Variants in AP4S1 observed in about 807,000 individuals in gnomAD.
AP4S1 encodes adaptor related protein complex 4 subunit sigma 1, also known as AP-4 complex subunit sigma-1.
Under a neutral mutation model 19.8 loss-of-function variants are expected in AP4S1, and 23 were observed. The ratio of observed to expected loss-of-function variants is 1.16; its 90% CI spans 0.84 to 1.65. The LOEUF is 1.65. Among genes scored for constraint, AP4S1 ranks in the 40% most tolerant of loss-of-function variants. The probability of loss-of-function intolerance (pLI) is 0.00; values close to 1 mark genes in which losing one functional copy is unlikely to be tolerated. For synonymous variants in AP4S1, 46 were observed against 54.1 expected, an observed-to-expected ratio of 0.85 and a Z score of 0.66; for missense variants, 166 against 172.8, an observed-to-expected ratio of 0.96 and a Z score of 0.22.
At chr14:31,055,856 T>G (rs372042683) in intron 1 of AP4S1, among the ~76,000 whole-genome samples, 19 of 152,152 alleles carry the variant, frequency 1.2e-4, no homozygotes, top group African/African-American at 4.1e-4. Flanking sequence ...CTTTTTTTGT[T>G]TTTTTGAGAC....
chr14:31,032,138 T>G (rs1229539296), intron 1 of AP4S1, among the ~76,000 whole-genome samples: 1 of 151,506 alleles, frequency 6.6e-6, no homozygotes, highest in Non-Finnish European at 1.5e-5. Context: ...TCCCAGCACT[T>G]TGGGAGGCCA....
intron 1 of AP4S1, among the ~76,000 whole-genome samples, chr14:31,049,428 A>AAAAAAAAAAATATATATATAT (rs1384450221): frequency 3.5e-5 from 2 of 57,768 alleles, no homozygotes; most frequent in Non-Finnish European, 5.8e-5. Context: ...AAAAAAAAAA[A>AAAAAAAAAAATATATATATAT]ATATATATAT....
At chr14:31,075,961 C>A (rs886390756) in intron 4 of AP4S1, among the ~76,000 whole-genome samples, 2 of 152,136 alleles carry the variant, frequency 1.3e-5, no homozygotes, top group Non-Finnish European at 2.9e-5. Context: ...GTCTCAAACT[C>A]CTGACCTCAG....
chr14:31,077,683 T>A lies in AP4S1; in HGVS notation c.295-2890T>A, dbSNP rs17097700. ...TCTGGTACATGCTTAATTTTGGTAA[T>A]CATTGCCTTAGTGCATGAGGCTTGC... On this transcript the variant is annotated intron_variant, in intron 4 of 5. Transcript: ENST00000542754. Among the ~76,000 whole-genome samples, 758 of 152,306 alleles carry A rather than the reference T, an allele frequency of 5.0e-3. 6 individuals are homozygous for A. The highest frequency in any genetic ancestry group is 0.017 in the African/African-American group (708 of 41,580).
intron 1 of AP4S1, among the ~76,000 whole-genome samples, chr14:31,058,527 ATGTGTGTGTGTGTGTGTGTGTGTGTGTG>A (rs140119208): frequency 1.4e-4 from 19 of 136,666 alleles, no homozygotes; most frequent in Admixed American, 1.2e-3. Flanking sequence ...CTGTGTGTGT[ATGTGTGTGTGTGTGTGTGTGTGTGTGTG>A]TGTGTGTGTG....
upstream of AP4S1, chr14:31,025,212 A>G (rs912444411): frequency 6.6e-6 from 1 of 152,360 alleles, no homozygotes; most frequent in South Asian, 2.1e-4. Flanking sequence ...AGTACTGTAA[A>G]AAGAAAAATT....
At chr14:31,073,091 A>G (rs1031976023) in intron 4 of AP4S1, 118 bp downstream of exon 4, 2 of 909,492 alleles carry the variant, frequency 2.2e-6, no homozygotes, top group African/African-American at 3.3e-5. Context: ...GTAAAAGTTA[A>G]AACTTAAGTG....
At chr14:31,049,519 C>G (rs928327046) in intron 1 of AP4S1, among the ~76,000 whole-genome samples, 1 of 95,716 alleles carries the variant, frequency 1.0e-5, no homozygotes, top group African/African-American at 3.3e-5. Flanking sequence ...ATAAATTACC[C>G]TCAAGCCTAA....
At chr14:31,077,156 C>T (rs1004463344) in intron 4 of AP4S1, among the ~76,000 whole-genome samples, 3 of 152,130 alleles carry the variant, frequency 2.0e-5, no homozygotes, top group African/African-American at 4.8e-5. Flanking sequence ...AGGCTCGTCT[C>T]GAACTCCCAA....
At chr14:31,057,733 C>G (rs530832111) in intron 1 of AP4S1, among the ~76,000 whole-genome samples, 2 of 152,034 alleles carry the variant, frequency 1.3e-5, no homozygotes, top group Non-Finnish European at 2.9e-5. Flanking sequence ...TCAAGTGATT[C>G]TCCTGCCTTA....
At chr14:31,078,447 A>C (rs895141021) in intron 4 of AP4S1, among the ~76,000 whole-genome samples, 2 of 152,184 alleles carry the variant, frequency 1.3e-5, no homozygotes, top group Non-Finnish European at 2.9e-5. Flanking sequence ...GTATAGCTCT[A>C]GCTTCTGCTT....
intron 4 of AP4S1, among the ~76,000 whole-genome samples, chr14:31,077,877 A>T (rs1887450460): frequency 6.6e-6 from 1 of 151,702 alleles, no homozygotes; most frequent in South Asian, 2.1e-4. Flanking sequence ...CTGGGATGAC[A>T]GGCACGTGCC....
intron 1 of AP4S1, chr14:31,032,965 C>T (rs1424574882): frequency 6.6e-6 from 1 of 152,152 alleles, no homozygotes; most frequent in Non-Finnish European, 1.5e-5. Context: ...ATTCTTATCT[C>T]CACAGTGAAG....
chr14:31,081,868 T>C (rs1887655852), intron 5 of AP4S1, among the ~76,000 whole-genome samples: 1 of 151,844 alleles, frequency 6.6e-6, no homozygotes, highest in Non-Finnish European at 1.5e-5. Flanking sequence ...GATATATATA[T>C]ATACATTTTG....
chr14:31,085,704 C>A, intron 5 of AP4S1: 1 of 704,414 alleles, frequency 1.4e-6, no homozygotes, highest in Non-Finnish European at 1.7e-6. Context: ...GCCTGGGGGA[C>A]TGAGGCTGCA....
intron 1 of AP4S1, among the ~76,000 whole-genome samples, chr14:31,045,182 G>A (rs749400155): frequency 3.9e-5 from 6 of 152,288 alleles, no homozygotes; most frequent in East Asian, 1.9e-4. Flanking sequence ...GATTGCAGGC[G>A]TGAGCCACCA....
At chr14:31,046,092 G>A (rs533093014) in intron 1 of AP4S1, among the ~76,000 whole-genome samples, 3 of 151,076 alleles carry the variant, frequency 2.0e-5, no homozygotes, top group Admixed American at 6.6e-5. Context: ...TCAGTCTCCC[G>A]AGTAGCTGGG....
At chr14:31,051,961 C>T (rs1885821883) in intron 1 of AP4S1, among the ~76,000 whole-genome samples, 1 of 152,106 alleles carries the variant, frequency 6.6e-6, no homozygotes, top group Non-Finnish European at 1.5e-5. Context: ...ATGCCCGGTC[C>T]ATATTCATTT....
At chr14:31,073,185 G>C in intron 4 of AP4S1, 1 of 415,554 alleles carries the variant, frequency 2.4e-6, no homozygotes, top group Non-Finnish European at 4.4e-6. Flanking sequence ...TAAAGAACTG[G>C]AAAAAAAAAA....
Sources: gnomAD v4.1 joint callset for allele counts (sites outside exome capture counted in the v4.1 genomes callset) on GRCh38, gnomAD v4.1.1 for gene constraint, MANE v1.5 for transcripts, NCBI Gene and HGNC (gene_info 2026-07-23, HGNC 2026-07-21) for gene names.